Variants in INTS8 observed in about 807,000 individuals in gnomAD.
INTS8 encodes protein kaonashi-1.
Under a neutral mutation model 138.9 loss-of-function variants are expected in INTS8, and 47 were observed. That is an observed-to-expected ratio of 0.34 (90% CI 0.27 to 0.43). INTS8 has a LOEUF of 0.43. INTS8 is among the 20% of genes least tolerant of loss of function. The pLI is 1.00. For missense variants in INTS8, 996 were observed against 1,173.0 expected (o/e 0.85, Z 2.20); for synonymous variants, 392 against 400.9 (o/e 0.98, Z 0.27).
chr8:94,847,925 A>G (rs1289841153), intron 10 of INTS8, among the ~76,000 whole-genome samples: 1 of 152,124 alleles, frequency 6.6e-6, no homozygotes. Flanking sequence ...TGTATAATAC[A>G]TACTCCAAGA....
intron 16 of INTS8, among the ~76,000 whole-genome samples, chr8:94,862,480 A>G (rs1232596537): frequency 6.6e-6 from 1 of 152,210 alleles, no homozygotes; most frequent in Non-Finnish European, 1.5e-5. Flanking sequence ...GCTGTGCACC[A>G]GGAGAGATAG....
Position 94,880,264 on chromosome 8 carries a change from T to TAA in INTS8, c.*32_*33dup. On this transcript the variant is annotated 3_prime_UTR_variant, in exon 27 of 27. Transcript: ENST00000523731. ...TTAAATTTTTTTAACTTTTATTTTTTAAACAATGGGCTAAAAATAAACAGT... is the reference window on the plus strand; with the variant it reads ...TTAAATTTTTTTAACTTTTATTTTTTAAAAACAATGGGCTAAAAATAAACAGT... 1 of 1,167,356 alleles carries TAA rather than the reference T, an allele frequency of 8.6e-7. No homozygotes were observed. The highest frequency in any genetic ancestry group is 2.5e-5 in the East Asian group (1 of 40,518). The allele number at this position is 1,167,356 out of a possible 1,614,324, so 72.3% of individuals were successfully genotyped here.
At chr8:94,852,398 T>C (rs1336752143) in intron 13 of INTS8, among the ~76,000 whole-genome samples, 1 of 152,126 alleles carries the variant, frequency 6.6e-6, no homozygotes, top group Non-Finnish European at 1.5e-5. Flanking sequence ...TATTAGAAAG[T>C]TTTCCAGCAT....
chr8:94,865,771 G>A, intron 17 of INTS8, 81 bp downstream of exon 17: 1 of 1,240,626 alleles, frequency 8.1e-7, no homozygotes, highest in African/African-American at 1.5e-5. Flanking sequence ...ATTAAAGGTT[G>A]ATTTCAAGAA....
intron 5 of INTS8, 52 bp from the exon 6 acceptor site, chr8:94,831,940 A>G: frequency 6.9e-7 from 1 of 1,440,762 alleles, no homozygotes. Context: ...ATTTTTGGTT[A>G]TTATAATCAG....
chr8:94,837,932 A>G (rs944618856), intron 7 of INTS8, among the ~76,000 whole-genome samples: 4 of 152,182 alleles, frequency 2.6e-5, no homozygotes, highest in Non-Finnish European at 5.9e-5. Flanking sequence ...CAAGGGACGA[A>G]CAAAAACAGA....
chr8:94,830,943 G>T (rs1490474763), intron 5 of INTS8, among the ~76,000 whole-genome samples: 2 of 151,938 alleles, frequency 1.3e-5, no homozygotes, highest in Admixed American at 6.6e-5. Context: ...GATTATAGGC[G>T]TGCTCCACCA....
At chr8:94,831,940 A>T in intron 5 of INTS8, 52 bp from the exon 6 acceptor site, 1 of 1,440,762 alleles carries the variant, frequency 6.9e-7, no homozygotes, top group Non-Finnish European at 9.3e-7. Flanking sequence ...ATTTTTGGTT[A>T]TTATAATCAG....
chr8:94,840,650 C>T (rs962874659), intron 8 of INTS8, among the ~76,000 whole-genome samples: 4 of 149,928 alleles, frequency 2.7e-5, no homozygotes, highest in Admixed American at 6.6e-5. Flanking sequence ...CTCTGCTGCC[C>T]GGGTCCAAGT....
At position 94,851,661 on chromosome 8, in the gene INTS8, G is replaced by A. The variant is rs781018623; in HGVS notation, c.1616G>A (p.Arg539His). The A allele has an allele frequency of 1.1e-5, 18 of 1,600,966 alleles. No homozygotes were observed. The highest frequency in any genetic ancestry group is 1.6e-4 in the Middle Eastern group (1 of 6,064). ...LIELHGMTSE[R>H]QFWTVSNKWE... ...GAATTACATGGTATGACTTCAGAGC[G>A]CCAGTTCTGGACAGTGTCTAATAAG... The change falls in exon 13 of 27, where the codon CGC becomes CAC. Residue 539 changes from arginine (R) to histidine (H), a missense_variant. By Grantham distance (29) the Arg-to-His change is conservative (BLOSUM62 0). Coordinates refer to ENST00000523731, the MANE Select transcript of INTS8 (RefSeq NM_017864.4).
At chr8:94,849,599 T>C (rs1055848914) in intron 11 of INTS8, 67 bp downstream of exon 11, 1 of 935,874 alleles carries the variant, frequency 1.1e-6, no homozygotes, top group Non-Finnish European at 1.7e-6. Flanking sequence ...GAACAAAATA[T>C]CTGTATTATC....
chr8:94,842,271 T>C, intron 9 of INTS8, 76 bp from the exon 10 acceptor site: 1 of 940,624 alleles, frequency 1.1e-6, no homozygotes, highest in Admixed American at 2.8e-5. Context: ...CTCATTCTTG[T>C]GAATATAGTT....
At chr8:94,854,127 C>G (rs1448639684) in intron 14 of INTS8, among the ~76,000 whole-genome samples, 1 of 145,170 alleles carries the variant, frequency 6.9e-6, no homozygotes, top group Non-Finnish European at 1.5e-5. Context: ...GAGTCTGAGG[C>G]AGGAGAATCT....
chr8:94,853,456 A>G (rs1001794074), intron 13 of INTS8, among the ~76,000 whole-genome samples: 2 of 152,186 alleles, frequency 1.3e-5, no homozygotes, highest in East Asian at 3.8e-4. Flanking sequence ...CAAGTTATTT[A>G]ACTTCTTTGT....
chr8:94,861,893 A>C (rs374892447), intron 16 of INTS8, among the ~76,000 whole-genome samples: 5 of 151,628 alleles, frequency 3.3e-5, no homozygotes, highest in African/African-American at 1.2e-4. Context: ...GAAAACTGCC[A>C]TACTTGAATT....
intron 20 of INTS8, among the ~76,000 whole-genome samples, chr8:94,869,769 G>A (rs956043933): frequency 6.6e-6 from 1 of 152,174 alleles, no homozygotes; most frequent in Non-Finnish European, 1.5e-5. Flanking sequence ...GGGATTACAG[G>A]CATGAGCCAC....
intron 20 of INTS8, 31 bp from the exon 21 acceptor site, chr8:94,871,853 A>C: frequency 2.2e-5 from 25 of 1,153,440 alleles, no homozygotes; most frequent in Non-Finnish European, 2.8e-5. Flanking sequence ...CTTTTAAAAT[A>C]GAGATTAATG....
Position 94,849,484 on chromosome 8 carries a change from T to C in INTS8, c.1283T>C (p.Leu428Ser). Reference protein sequence around the residue: ...LLEVCSRSVNLEKASESLKGN... With the variant: ...LLEVCSRSVNSEKASESLKGN... ...TAGGTATGTTCAAGATCAGTAAATT[T>C]AGAAAAAGCTTCAGAGTCTTTGAAA... The change falls in exon 11 of 27, where the codon TTA becomes TCA. Residue 428 changes from leucine to serine, a missense_variant. Coordinates refer to ENST00000523731, the MANE Select transcript of INTS8 (RefSeq NM_017864.4). The C allele has an allele frequency of 6.4e-7, 1 of 1,559,674 alleles. No homozygotes were observed.
intron 10 of INTS8, among the ~76,000 whole-genome samples, chr8:94,842,849 A>C (rs1275773224): frequency 1.3e-5 from 2 of 152,156 alleles, no homozygotes; most frequent in Admixed American, 6.5e-5. Context: ...AGAACTCCCA[A>C]ATCAAGCCTC....
Sources: gnomAD v4.1 joint callset for allele counts (sites outside exome capture counted in the v4.1 genomes callset) on GRCh38, gnomAD v4.1.1 for gene constraint, MANE v1.5 for transcripts, NCBI Gene and HGNC (gene_info 2026-07-23, HGNC 2026-07-21) for gene names.